USP32: variants seen among roughly 807,000 people sequenced by gnomAD.
The protein encoded by USP32 is ubiquitin carboxyl-terminal hydrolase 32.
USP32 carries 59 observed loss-of-function variants against 204.8 expected under a neutral mutation model. The ratio of observed to expected loss-of-function variants is 0.29; its 90% CI spans 0.23 to 0.36. USP32 has a LOEUF of 0.36. USP32 is among the 10% of genes least tolerant of loss of function. The pLI, the probability that USP32 is intolerant of heterozygous loss-of-function variation, is 1.00. For synonymous variants in USP32, 517 were observed against 678.4 expected (o/e 0.76, Z 3.70); for missense variants, 1,160 against 1,946.4 (o/e 0.60, Z 7.60).
intron 1 of USP32, among the ~76,000 whole-genome samples, chr17:60,371,253 T>TA (rs373242290): frequency 0.065 from 4,280 of 66,258 alleles, 165 homozygotes; most frequent in African/African-American, 0.15. Context: ...CTCTAAAAAT[T>TA]AAAAAAAAAA....
Position 60,183,335 on chromosome 17 carries a change from G to A in USP32, c.3953C>T (p.Ala1318Val), listed in dbSNP as rs756492301. 2.4e-5 allele frequency: 38 copies of A among 1,613,864 alleles called. No homozygotes were observed. Among genetic ancestry groups the A allele is most frequent in the Non-Finnish European group, 3.1e-5 (36 of 1,179,862 alleles). Reference sequence around the variant, plus strand: ...TGTGAGTGGTTTATGCTGGCAGAGAGCCGGGTCTCTTGGTACCAAAAAAGC... The same window carrying A: ...TGTGAGTGGTTTATGCTGGCAGAGAACCGGGTCTCTTGGTACCAAAAAAGC... ...PSAFLVPRDP[A>V]LCQHKPLTPQ... is the part of the protein sequence containing the mutation. The change falls in exon 31 of 34, where the codon GCT becomes GTT. Residue 1318 changes from alanine to valine, a missense_variant. Around this residue, in one of 8 missense-constraint regions of USP32, gnomAD observed 244 missense variants for 342.3 expected, o/e 0.71. Coordinates refer to ENST00000300896, the MANE Select transcript of USP32 (RefSeq NM_032582.4).
chr17:60,281,072 A>C (rs1030594144), intron 5 of USP32, among the ~76,000 whole-genome samples: 1 of 152,210 alleles, frequency 6.6e-6, no homozygotes, highest in Non-Finnish European at 1.5e-5. Context: ...GGTAAGAAAA[A>C]CACTGTCTTT....
Position 60,205,614 on chromosome 17 carries a change from T to C in USP32, c.3082A>G (p.Thr1028Ala), listed in dbSNP as rs763207494. 20 of 1,613,844 alleles carry C rather than the reference T, an allele frequency of 1.2e-5. No homozygotes were observed. Among genetic ancestry groups the C allele is most frequent in the Non-Finnish European group, 1.5e-5 (18 of 1,179,866 alleles). Residue 1028 changes from threonine (T) to alanine (A), a missense_variant, in exon 26 of 34, where the codon ACC becomes GCC. By Grantham distance (58) the Thr-to-Ala change is moderately conservative. This residue lies in a region of USP32 where 47 missense variants were observed against 71.1 expected (regional missense o/e 0.66). Coordinates refer to ENST00000300896, the MANE Select transcript of USP32 (RefSeq NM_032582.4). ...ATTGGTCGGGGTAGGTCCCCATTGG[T>C]AGTTAGGGTGAACATTTCATTTGTA... ...PSTNEMFTLT[T>A]NGDLPRPIFI...
At chr17:60,308,119 C>T (rs931547189) in intron 2 of USP32, among the ~76,000 whole-genome samples, 1 of 152,210 alleles carries the variant, frequency 6.6e-6, no homozygotes, top group Non-Finnish European at 1.5e-5. Flanking sequence ...TCAGTAAAAT[C>T]TTGCACTCAT....
chr17:60,212,066 TCTC>T lies in USP32; in HGVS notation c.2134_2136del (p.Glu712del). 1 of 1,608,610 alleles carries T rather than the reference TCTC, an allele frequency of 6.2e-7. No individual in the cohort carries two copies. Among genetic ancestry groups the T allele is most frequent in the Non-Finnish European group, 8.5e-7 (1 of 1,176,842 alleles). ...TTACTACTATTTGCTATAAAAGACA[TCTC>T]CTCAGGCCAACTCATATCTTTGTTG... On this transcript the variant is annotated inframe_deletion, in exon 19 of 34. Coordinates refer to ENST00000300896, the MANE Select transcript of USP32 (RefSeq NM_032582.4).
chr17:60,244,590 G>C (rs1461056874), intron 11 of USP32, among the ~76,000 whole-genome samples: 1 of 152,078 alleles, frequency 6.6e-6, no homozygotes, highest in African/African-American at 2.4e-5. Context: ...GATTGTTGTA[G>C]GGTTTACAAT....
intron 29 of USP32, chr17:60,185,875 A>C (rs1208317880): frequency 2.2e-6 from 1 of 459,876 alleles, no homozygotes; most frequent in Non-Finnish European, 3.9e-6. Flanking sequence ...CAGCCTGGTC[A>C]AAAGAGTGAG....
At chr17:60,200,488 A>T (rs898937461) in intron 26 of USP32, among the ~76,000 whole-genome samples, 2 of 151,516 alleles carry the variant, frequency 1.3e-5, no homozygotes, top group African/African-American at 4.9e-5. Flanking sequence ...TGAACACAGG[A>T]GGCGGAGGTT....
intron 11 of USP32, among the ~76,000 whole-genome samples, chr17:60,248,303 TTTGTC>T (rs1280465936): frequency 6.6e-6 from 1 of 152,226 alleles, no homozygotes; most frequent in Non-Finnish European, 1.5e-5. Flanking sequence ...AACTTCTTCC[TTTGTC>T]TTTAGTTTTC....
chr17:60,222,966 G>A (rs2085294054), intron 14 of USP32, among the ~76,000 whole-genome samples: 1 of 152,044 alleles, frequency 6.6e-6, no homozygotes, highest in African/African-American at 2.4e-5. Context: ...ACAGGCATGA[G>A]CCACCACGTC....
rs186355711 is a variant in USP32 at position 60,335,978 on chromosome 17, T to C, written c.186+9503A>G. Among the ~76,000 whole-genome samples, 3 of 143,150 alleles carry C rather than the reference T, an allele frequency of 2.1e-5. 1 individual carries two copies. Among genetic ancestry groups the C allele is most frequent in the Admixed American group, 2.0e-4 (3 of 14,740 alleles). The allele number at this position is 143,150 out of a possible 152,430, so 93.9% of individuals were successfully genotyped here. A position where few individuals can be genotyped will look rare whatever the true frequency, so the allele number is the denominator to read the frequency against. On this transcript the variant is annotated intron_variant, in intron 2 of 33. Transcript: ENST00000300896. ...AGTTTCTCATAAAGACTCACTTGGA[T>C]AGGATCCCAACTGTTTTTATCGTCT...
intron 2 of USP32, among the ~76,000 whole-genome samples, chr17:60,338,509 T>C (rs1355812022): frequency 6.6e-6 from 1 of 151,870 alleles, no homozygotes; most frequent in Non-Finnish European, 1.5e-5. Context: ...GGCAGGGTGA[T>C]CACCTGAGCT....
chr17:60,393,649 T>C (rs1454143831), upstream of USP32, among the ~76,000 whole-genome samples: 1 of 152,046 alleles, frequency 6.6e-6, no homozygotes, highest in African/African-American at 2.4e-5. Context: ...GATTCTAATA[T>C]ACCCTGCTAG....
intron 27 of USP32, among the ~76,000 whole-genome samples, chr17:60,197,290 A>G (rs546813718): frequency 6.6e-6 from 1 of 152,022 alleles, no homozygotes; most frequent in African/African-American, 2.4e-5. Flanking sequence ...CAGAACTCTC[A>G]TTTGTACCAT....
intron 1 of USP32, among the ~76,000 whole-genome samples, chr17:60,353,010 A>T (rs971635739): frequency 1.3e-5 from 2 of 152,238 alleles, no homozygotes; most frequent in Non-Finnish European, 1.5e-5. Flanking sequence ...ATTTGAATAT[A>T]TTACATTGTA....
At chr17:60,233,854 C>G (rs2085639172) in intron 12 of USP32, among the ~76,000 whole-genome samples, 1 of 152,102 alleles carries the variant, frequency 6.6e-6, no homozygotes, top group South Asian at 2.1e-4. Flanking sequence ...TTTTCCCCAT[C>G]TTATTGAATA....
Position 60,392,052 on chromosome 17 carries a change from C to A in USP32, c.-113G>T. On this transcript the variant is annotated 5_prime_UTR_variant, in exon 1 of 34. Coordinates refer to ENST00000300896, the MANE Select transcript of USP32 (RefSeq NM_032582.4). Reference sequence around the variant, plus strand: ...TGACGGTGTCGGCGTCCCCCGCCCCCACCTCCCCCCACACTAACAAGTGCG... The same window carrying A: ...TGACGGTGTCGGCGTCCCCCGCCCCAACCTCCCCCCACACTAACAAGTGCG... The A allele has an allele frequency of 1.6e-6, 2 of 1,253,224 alleles. No individual in the cohort carries two copies. Among genetic ancestry groups the A allele is most frequent in the Non-Finnish European group, 2.2e-6 (2 of 904,866 alleles). The allele number at this position is 1,253,224 out of a possible 1,614,324, so 77.6% of individuals were successfully genotyped here.
intron 5 of USP32, among the ~76,000 whole-genome samples, chr17:60,272,572 C>T (rs1252741657): frequency 6.6e-6 from 1 of 152,214 alleles, no homozygotes; most frequent in Non-Finnish European, 1.5e-5. Flanking sequence ...CACCAGACTT[C>T]ACCTCCTACC....
chr17:60,361,940 T>G (rs1291279880), intron 1 of USP32, among the ~76,000 whole-genome samples: 6 of 152,206 alleles, frequency 3.9e-5, no homozygotes, highest in Non-Finnish European at 2.9e-5. Context: ...TTACTATATG[T>G]GGGTATGTGC....
Sources: allele counts gnomAD v4.1 joint callset (sites outside exome capture counted in the v4.1 genomes callset), GRCh38; gene constraint gnomAD v4.1.1; regional missense constraint gnomAD v4.1.1; transcripts MANE v1.5; gene names NCBI Gene and HGNC (gene_info 2026-07-23, HGNC 2026-07-21).